Variants in RALGAPA2 observed in about 807,000 individuals in gnomAD.
RALGAPA2 encodes the protein Ral GTPase activating protein catalytic subunit alpha 2.
In RALGAPA2, 139 loss-of-function variants were observed where a neutral mutation model predicts 230.4. The observed-to-expected ratio is 0.60, with a 90% confidence interval of 0.53 to 0.69. The LOEUF is 0.69. RALGAPA2 is among the 30% of genes least tolerant of loss of function. The probability of loss-of-function intolerance (pLI) is 0.00; values close to 1 mark genes in which losing one functional copy is unlikely to be tolerated. For synonymous variants in RALGAPA2, 847 were observed against 837.8 expected (o/e 1.01, Z -0.19); for missense variants, 2,163 against 2,276.0 (o/e 0.95, Z 1.01).
chr20:20,619,878 A>C (rs1246215963), intron 11 of RALGAPA2, among the ~76,000 whole-genome samples: 1 of 152,352 alleles, frequency 6.6e-6, no homozygotes, highest in South Asian at 2.1e-4. Context: ...AATGTCACTT[A>C]AGTTTCTTTT....
chr20:20,574,470 CT>C (rs2064756368), intron 20 of RALGAPA2, among the ~76,000 whole-genome samples: 1 of 152,114 alleles, frequency 6.6e-6, no homozygotes, highest in Non-Finnish European at 1.5e-5. Flanking sequence ...GAATTTTGTT[CT>C]TTGGATACCT....
chr20:20,707,672 G>C (rs1242613603), intron 1 of RALGAPA2, among the ~76,000 whole-genome samples: 2 of 152,146 alleles, frequency 1.3e-5, no homozygotes, highest in African/African-American at 4.8e-5. Flanking sequence ...ATTTGTGAGA[G>C]ACGGTTCTCT....
At chr20:20,659,892 C>T in intron 3 of RALGAPA2, 1 of 453,278 alleles carries the variant, frequency 2.2e-6, no homozygotes, top group Non-Finnish European at 4.2e-6. Context: ...ACTACACTTT[C>T]TGGTATTCCA....
Position 20,544,970 on chromosome 20 carries a change from G to A in RALGAPA2, c.3285+1734C>T, listed in dbSNP as rs775211138. On this transcript the variant is annotated intron_variant, in intron 24 of 39. Coordinates refer to ENST00000202677, the MANE Select transcript of RALGAPA2 (RefSeq NM_020343.4). ...ACCACCATGGCACATGTATACCTAT[G>A]TAACAAACTTGCACGTTCTACACAT... Among the ~76,000 whole-genome samples the A allele has an allele frequency of 8.3e-4, 126 of 152,188 alleles. 1 individual carries two copies. Among genetic ancestry groups the A allele is most frequent in the Admixed American group, 1.3e-3 (20 of 15,284 alleles).
rs572770660 is a variant in RALGAPA2 at position 20,479,195 on chromosome 20, T to C, written c.5368-6239A>G. On this transcript the variant is annotated intron_variant, in intron 36 of 39. Coordinates refer to ENST00000202677, the MANE Select transcript of RALGAPA2 (RefSeq NM_020343.4). Reference sequence around the variant, plus strand: ...AGCTCAGAAGCCTTCACTGGCAAATTCTATAAAATCTTCGAATAACCATAT... The same window carrying C: ...AGCTCAGAAGCCTTCACTGGCAAATCCTATAAAATCTTCGAATAACCATAT... Among the ~76,000 whole-genome samples the C allele has an allele frequency of 1.7e-3, 264 of 152,274 alleles. 1 individual carries two copies. The highest frequency in any genetic ancestry group is 3.5e-3 in the South Asian group (17 of 4,814).
intron 3 of RALGAPA2, among the ~76,000 whole-genome samples, chr20:20,662,299 A>G (rs2067808298): frequency 6.7e-6 from 1 of 149,566 alleles, no homozygotes; most frequent in Non-Finnish European, 1.5e-5. Context: ...TAAACACTCA[A>G]GTTAAAAAAA....
At position 20,393,210 on chromosome 20, in the gene RALGAPA2, C is replaced by A; in HGVS notation, c.*79G>T. The A allele has an allele frequency of 1.5e-6, 2 of 1,352,238 alleles. No individual in the cohort carries two copies. Among genetic ancestry groups the A allele is most frequent in the Non-Finnish European group, 2.0e-6 (2 of 1,015,148 alleles). 83.8% of individuals were successfully genotyped at this position (1,352,238 alleles called of 1,614,324 possible). A position where few individuals can be genotyped will look rare whatever the true frequency, so the allele number is the denominator to read the frequency against. ...GAGGGTGTTCTGTCTCCTCCTCACT[C>A]AGGGGCTCTTCGAGGTCAGCACTCA... On this transcript the variant is annotated 3_prime_UTR_variant, in exon 40 of 40. Coordinates refer to ENST00000202677, the MANE Select transcript of RALGAPA2 (RefSeq NM_020343.4).
intron 37 of RALGAPA2, among the ~76,000 whole-genome samples, chr20:20,429,767 C>T (rs1437206744): frequency 6.6e-6 from 1 of 152,188 alleles, no homozygotes; most frequent in African/African-American, 2.4e-5. Context: ...ACGGTAAAGG[C>T]CTTTTGCACC....
At chr20:20,539,303 C>T (rs945251076) in intron 24 of RALGAPA2, among the ~76,000 whole-genome samples, 5 of 152,020 alleles carry the variant, frequency 3.3e-5, no homozygotes, top group Non-Finnish European at 4.4e-5. Flanking sequence ...GTGCTCCAGC[C>T]CAAACACCTT....
At chr20:20,455,337 CA>C (rs1294883680) in intron 37 of RALGAPA2, among the ~76,000 whole-genome samples, 3 of 152,234 alleles carry the variant, frequency 2.0e-5, no homozygotes, top group Admixed American at 1.3e-4. Context: ...GCCGTGGTTC[CA>C]GATGCAGAGT....
intron 38 of RALGAPA2, among the ~76,000 whole-genome samples, chr20:20,400,784 A>G (rs2059816675): frequency 6.6e-6 from 1 of 152,240 alleles, no homozygotes; most frequent in African/African-American, 2.4e-5. Context: ...AACAGCCCGA[A>G]TGTCCATCAA....
intron 7 of RALGAPA2, among the ~76,000 whole-genome samples, chr20:20,638,078 T>C (rs752008018): frequency 6.6e-6 from 1 of 152,200 alleles, no homozygotes. Context: ...AATGTTTCAT[T>C]GTGTTGAGAT....
chr20:20,435,617 A>G (rs769282249), intron 37 of RALGAPA2, among the ~76,000 whole-genome samples: 11 of 152,224 alleles, frequency 7.2e-5, no homozygotes, highest in Non-Finnish European at 1.5e-4. Context: ...GTGCCATAGC[A>G]AAGTGGGAGG....
chr20:20,571,970 T>G, intron 21 of RALGAPA2, 24 bp from the exon 22 acceptor site: 1 of 1,505,734 alleles, frequency 6.6e-7, no homozygotes, highest in Non-Finnish European at 9.2e-7. Flanking sequence ...AGGAGAATTT[T>G]AGGGTAGGTA....
At chr20:20,539,362 T>C (rs1321963912) in intron 24 of RALGAPA2, among the ~76,000 whole-genome samples, 1 of 152,228 alleles carries the variant, frequency 6.6e-6, no homozygotes, top group Admixed American at 6.5e-5. Context: ...AAGAAAGTAC[T>C]ATCATTCAGA....
chr20:20,706,684 G>C (rs1334154983), intron 1 of RALGAPA2, among the ~76,000 whole-genome samples: 2 of 152,112 alleles, frequency 1.3e-5, no homozygotes, highest in Non-Finnish European at 2.9e-5. Context: ...TTTCTGGGAG[G>C]CATGCAAAAA....
chr20:20,479,180 C>G (rs143430256), intron 36 of RALGAPA2, among the ~76,000 whole-genome samples: 1 of 152,082 alleles, frequency 6.6e-6, no homozygotes, highest in Non-Finnish European at 1.5e-5. Flanking sequence ...AGCTCAGAAG[C>G]CTTCACTGGC....
At chr20:20,589,490 G>C (rs1241415499) in intron 17 of RALGAPA2, 125 bp from the exon 18 acceptor site, 4 of 1,064,848 alleles carry the variant, frequency 3.8e-6, no homozygotes, top group Non-Finnish European at 4.0e-6. Flanking sequence ...AAAAACAGGA[G>C]TTATGGGCCT....
chr20:20,591,258 T>C lies in RALGAPA2; in HGVS notation c.2260A>G (p.Thr754Ala). The change falls in exon 17 of 40, where the codon ACA (threonine) becomes GCA (alanine). Residue 754 changes from threonine (T) to alanine (A), a missense_variant. By Grantham distance (58) the Thr-to-Ala change is moderately conservative. Coordinates refer to ENST00000202677, the MANE Select transcript of RALGAPA2 (RefSeq NM_020343.4). Reference sequence around the variant, plus strand: ...AGGACCTGCTGCTGCTGTCCCACTGTGAGATGGCCAGATCCGGCTGCAGGT... The same window carrying C: ...AGGACCTGCTGCTGCTGTCCCACTGCGAGATGGCCAGATCCGGCTGCAGGT... Reference protein sequence around the residue: ...NAPAAGSGHLTVGQQQQVLRS... With the variant: ...NAPAAGSGHLAVGQQQQVLRS... The C allele has an allele frequency of 6.2e-7, 1 of 1,610,634 alleles. No individual in the cohort carries two copies. Among genetic ancestry groups the C allele is most frequent in the South Asian group, 1.1e-5 (1 of 91,018 alleles).
Sources: gnomAD v4.1 joint callset for allele counts (sites outside exome capture counted in the v4.1 genomes callset) on GRCh38, gnomAD v4.1.1 for gene constraint, MANE v1.5 for transcripts, NCBI Gene and HGNC (gene_info 2026-07-23, HGNC 2026-07-21) for gene names.